The following ALOX5 variants were observed in gnomAD, a reference collection of about 807,000 sequenced individuals.
The protein encoded by ALOX5 is polyunsaturated fatty acid 5-lipoxygenase.
In ALOX5, 64 loss-of-function variants were observed where a neutral mutation model predicts 87.9. The ratio of observed to expected loss-of-function variants is 0.73; its 90% confidence interval spans 0.60 to 0.90. The LOEUF (loss-of-function observed/expected upper bound fraction) is 0.90. ALOX5 is among the 40% of genes least tolerant of loss of function. ALOX5 has a pLI of 0.00. For synonymous variants in ALOX5, 388 were observed against 355.1 expected, an observed-to-expected ratio of 1.09 and a Z score of -1.04; for missense variants, 822 against 907.5, an observed-to-expected ratio of 0.91 and a Z score of 1.21.
intron 6 of ALOX5, 114 bp from the exon 7 acceptor site, chr10:45,428,504 C>A: frequency 7.4e-7 from 1 of 1,352,914 alleles, no homozygotes; most frequent in African/African-American, 1.4e-5. Flanking sequence ...TTCTGAGCTC[C>A]GCTGAGTCGC....
chr10:45,437,955 A>AT (rs1445380387), intron 7 of ALOX5, among the ~76,000 whole-genome samples: 2 of 152,194 alleles, frequency 1.3e-5, no homozygotes, highest in Non-Finnish European at 2.9e-5. Context: ...CTAAATGCTG[A>AT]TTTTTCCTTG....
chr10:45,404,504 T>C (rs1564425951), intron 3 of ALOX5, among the ~76,000 whole-genome samples: 1 of 152,314 alleles, frequency 6.6e-6, no homozygotes, highest in Non-Finnish European at 1.5e-5. Flanking sequence ...AATGGCAAAG[T>C]GTAGGTGTTT....
chr10:45,410,384 T>C lies in ALOX5; in HGVS notation c.432-1807T>C, dbSNP rs569911521. ...TTGGCATTAATACAAACAGCAAAAA[T>C]GGAAGGTTTTCTTAAAATCTGAGGA... On this transcript the variant is annotated intron_variant, in intron 3 of 13. Coordinates refer to ENST00000374391, the MANE Select transcript of ALOX5 (RefSeq NM_000698.5). Among the ~76,000 whole-genome samples the C allele has an allele frequency of 4.4e-4, 67 of 152,308 alleles. No homozygotes were observed. In the South Asian group the frequency reaches 9.1e-3, roughly 21 times the overall value.
At chr10:45,405,791 CA>C (rs1840862696) in intron 3 of ALOX5, among the ~76,000 whole-genome samples, 2 of 149,230 alleles carry the variant, frequency 1.3e-5, no homozygotes, top group Non-Finnish European at 3.0e-5. Flanking sequence ...GGCTGGAGTG[CA>C]GTGGCATGAT....
chr10:45,439,519 G>A (rs530063593), intron 7 of ALOX5, among the ~76,000 whole-genome samples: 31 of 152,268 alleles, frequency 2.0e-4, no homozygotes, highest in Non-Finnish European at 3.2e-4. Context: ...ACCTGCTGCC[G>A]GCTCCCGTGA....
intron 3 of ALOX5, among the ~76,000 whole-genome samples, chr10:45,402,689 G>T (rs915668241): frequency 6.6e-6 from 1 of 152,204 alleles, no homozygotes; most frequent in Non-Finnish European, 1.5e-5. Flanking sequence ...TGGTAAGTTT[G>T]CCTCCCTCAA....
At chr10:45,415,844 G>A (rs73283177) in intron 4 of ALOX5, among the ~76,000 whole-genome samples, 2,579 of 152,300 alleles carry the variant, frequency 0.017, 68 homozygotes, top group African/African-American at 0.058. Context: ...TACCTGTGGA[G>A]GTTTTCACCT....
At chr10:45,388,356 A>T (rs774633947) in intron 2 of ALOX5, among the ~76,000 whole-genome samples, 1 of 152,196 alleles carries the variant, frequency 6.6e-6, no homozygotes, top group Non-Finnish European at 1.5e-5. Context: ...TTCACCCAAC[A>T]TGGAATTTGA....
At chr10:45,397,828 A>G (rs867221040) in intron 3 of ALOX5, among the ~76,000 whole-genome samples, 1 of 152,220 alleles carries the variant, frequency 6.6e-6, no homozygotes, top group African/African-American at 2.4e-5. Context: ...ACATTGTTTA[A>G]CATTATTAAA....
intron 2 of ALOX5, among the ~76,000 whole-genome samples, chr10:45,391,411 C>G (rs901808646): frequency 5.3e-5 from 8 of 152,338 alleles, no homozygotes; most frequent in Admixed American, 1.3e-4. Context: ...GGTGCCCAGG[C>G]TGGGGTGCAG....
intron 7 of ALOX5, among the ~76,000 whole-genome samples, chr10:45,430,008 G>A (rs996786212): frequency 3.3e-5 from 5 of 152,150 alleles, no homozygotes; most frequent in South Asian, 4.1e-4. Flanking sequence ...CCAGGGGCAC[G>A]TAGCCTCAGA....
intron 1 of ALOX5, among the ~76,000 whole-genome samples, chr10:45,382,118 A>G (rs1418270939): frequency 6.6e-6 from 1 of 152,198 alleles, no homozygotes; most frequent in South Asian, 2.1e-4. Context: ...GTGAGATGTG[A>G]TAAGGCCAAG....
At chr10:45,374,521 C>T (rs1839514078) in intron 1 of ALOX5, 92 bp downstream of exon 1, 2 of 1,244,124 alleles carry the variant, frequency 1.6e-6, no homozygotes, top group East Asian at 6.2e-5. Context: ...GCGCCGAGGG[C>T]CCGTCGGGGC....
chr10:45,440,549 C>T lies in ALOX5; in HGVS notation c.1101C>T (p.Thr367=). Residue 367 remains threonine (T), a synonymous_variant, in exon 8 of 14, where the codon ACC becomes ACT. Transcript: ENST00000374391. ...ACTTCCACGTCCACCAGACCATCAC[C>T]CACCTTCTGCGAACACATCTGGTGT... The part of the protein sequence containing the change: ...SSDFHVHQTI[T]HLLRTHLVSE... The T allele has an allele frequency of 1.2e-6, 2 of 1,614,212 alleles. No individual in the cohort carries two copies. The highest frequency in any genetic ancestry group is 1.7e-6 in the Non-Finnish European group (2 of 1,180,034).
intron 4 of ALOX5, among the ~76,000 whole-genome samples, chr10:45,423,010 G>T (rs549939830): frequency 6.6e-6 from 1 of 152,236 alleles, no homozygotes; most frequent in Non-Finnish European, 1.5e-5. Context: ...ATCCCATCAC[G>T]GGTACCCCAC....
intron 2 of ALOX5, among the ~76,000 whole-genome samples, chr10:45,384,382 A>G (rs1839944482): frequency 6.6e-6 from 1 of 152,000 alleles, no homozygotes; most frequent in East Asian, 1.9e-4. Flanking sequence ...TGTAAAACCA[A>G]CCTCCTTGGT....
At chr10:45,393,687 T>C (rs1342795040) in intron 2 of ALOX5, among the ~76,000 whole-genome samples, 2 of 152,218 alleles carry the variant, frequency 1.3e-5, no homozygotes, top group South Asian at 2.1e-4. Flanking sequence ...GATGACATGA[T>C]TGTATATTTA....
At chr10:45,380,708 G>A (rs1192956740) in intron 1 of ALOX5, among the ~76,000 whole-genome samples, 2 of 152,190 alleles carry the variant, frequency 1.3e-5, no homozygotes, top group Non-Finnish European at 2.9e-5. Context: ...TTGGGAGACC[G>A]AGGCAGGTGG....
chr10:45,423,907 G>A (rs375417805), intron 4 of ALOX5, 134 bp from the exon 5 acceptor site: 69 of 703,186 alleles, frequency 9.8e-5, no homozygotes, highest in East Asian at 4.7e-4. Flanking sequence ...GTTCTGAAAA[G>A]CCAGTCACCT....
Sources: gnomAD v4.1 joint callset for allele counts (sites outside exome capture counted in the v4.1 genomes callset) on GRCh38, gnomAD v4.1.1 for gene constraint, MANE v1.5 for transcripts, NCBI Gene and HGNC (gene_info 2026-07-23, HGNC 2026-07-21) for gene names.